Variants in YPEL3 observed in about 807,000 individuals in gnomAD.
YPEL3 encodes the protein protein yippee-like 3.
In YPEL3, 5 loss-of-function variants were observed where a neutral mutation model predicts 17.5. The observed-to-expected ratio is 0.29, with a 90% CI of 0.15 to 0.60. The LOEUF is 0.60. Ranked by LOEUF, YPEL3 falls within the 20% of genes least tolerant of loss-of-function variation. YPEL3 has a pLI of 0.87. For synonymous variants in YPEL3, 87 were observed against 87.2 expected, an observed-to-expected ratio of 1.00 and a Z score of 0.01; for missense variants, 155 against 211.4, an observed-to-expected ratio of 0.73 and a Z score of 1.65.
At chr16:30,093,743 A>AT (rs1209936876) in intron 3 of YPEL3, 7,456 of 131,284 alleles carry the variant, frequency 0.057, 443 homozygotes, top group African/African-American at 0.15. Flanking sequence ...CACCCAGCTG[A>AT]TTTTTTTTTT....
chr16:30,092,730 T>G lies in YPEL3; in HGVS notation c.454A>C (p.Lys152Gln). ...KYIIELNHMI[K>Q]DNGWD ...GGGGGTCAGTCCCAGCCGTTGTCTTTGATCATGTGGTTGAGTTCAATGATG... is the reference window on the plus strand; with the variant it reads ...GGGGGTCAGTCCCAGCCGTTGTCTTGGATCATGTGGTTGAGTTCAATGATG... Residue 152 changes from lysine (K) to glutamine (Q), a missense_variant, in exon 4 of 4, where the codon AAA (lysine) becomes CAA (glutamine). Physicochemically the swap from Lys to Gln is moderately conservative, Grantham distance 53. Around this residue, in one of 3 missense-constraint regions of YPEL3, gnomAD observed 23 missense variants for 16.4 expected, o/e 1.40. Transcript: ENST00000398841. 1.2e-6 allele frequency: 2 copies of G among 1,614,198 alleles called. No individual in the cohort carries two copies. The highest frequency in any genetic ancestry group is 2.7e-5 in the African/African-American group (2 of 75,066).
At chr16:30,093,417 C>T (rs143242484) in intron 3 of YPEL3, among the ~76,000 whole-genome samples, 6,101 of 152,178 alleles carry the variant, frequency 0.04, 184 homozygotes, top group Middle Eastern at 0.061. Flanking sequence ...CCCACCACCA[C>T]GCCGAGCTAA....
In YPEL3 at chr16:30,095,484, C is replaced by A; in HGVS notation, c.-2G>T. On this transcript the variant is annotated 5_prime_UTR_variant, in exon 1 of 4. Coordinates refer to ENST00000398841, the MANE Select transcript of YPEL3 (RefSeq NM_031477.5). The surrounding 1 kb of genome is among the most constrained non-coding windows in gnomAD (Gnocchi z 5.4). ...TGTCAGGACCTGGGCCACACACATG[C>A]GAGGCACTCCCAGAGCCGTGGGGAC... is the stretch of plus-strand genomic sequence containing the variant. 6.6e-7 allele frequency: 1 copy of A among 1,507,532 alleles called. No individual in the cohort carries two copies. Among genetic ancestry groups the A allele is most frequent in the Non-Finnish European group, 8.9e-7 (1 of 1,128,238 alleles). The allele number at this position is 1,507,532 out of a possible 1,614,324, so 93.4% of individuals were successfully genotyped here. A position where few individuals can be genotyped will look rare whatever the true frequency, so the allele number is the denominator to read the frequency against.
Position 30,092,676 on chromosome 16 carries a change from C to T in YPEL3, c.*34G>A, listed in dbSNP as rs749047360. 3 of 1,609,714 alleles carry T rather than the reference C, an allele frequency of 1.9e-6. No individual in the cohort carries two copies. Among genetic ancestry groups the T allele is most frequent in the Admixed American group, 3.3e-5 (2 of 59,944 alleles). Reference sequence around the variant, plus strand: ...CAGTGGCGCTCCCTGGCGGCCAGGCCGGGCTGGAGCCACATGCGTCGGGGG... The same window carrying T: ...CAGTGGCGCTCCCTGGCGGCCAGGCTGGGCTGGAGCCACATGCGTCGGGGG... On this transcript the variant is annotated 3_prime_UTR_variant, in exon 4 of 4. Transcript: ENST00000398841.
chr16:30,093,914 CAG>C (rs1211565094), intron 3 of YPEL3: 1 of 152,172 alleles, frequency 6.6e-6, no homozygotes, highest in Non-Finnish European at 1.5e-5. Context: ...GGTAGAGGTC[CAG>C]AGTGGCCAAG....
rs1021778873 is a variant in YPEL3 at position 30,092,474 on chromosome 16, G to C, written c.*236C>G. 1 of 553,646 alleles carries C rather than the reference G, an allele frequency of 1.8e-6. No homozygotes were observed. The highest frequency in any genetic ancestry group is 3.2e-6 in the Non-Finnish European group (1 of 310,028). The allele number at this position is 553,646 out of a possible 1,614,324, so 34.3% of individuals were successfully genotyped here. ...CCATAACTATAGGGCAGGTGGGGCA[G>C]GAACGGGTTAAAAACGAGATCCAAG... On this transcript the variant is annotated 3_prime_UTR_variant, in exon 4 of 4. Coordinates refer to ENST00000398841, the MANE Select transcript of YPEL3 (RefSeq NM_031477.5).
chr16:30,093,410 A>G (rs916934713), intron 3 of YPEL3, among the ~76,000 whole-genome samples: 3 of 151,822 alleles, frequency 2.0e-5, no homozygotes, highest in Non-Finnish European at 4.4e-5. Flanking sequence ...ACAGGCGCCC[A>G]CCACCACGCC....
chr16:30,092,599 G>C lies in YPEL3; in HGVS notation c.*111C>G. ...AAATATATATACAGGAGCTAGATCC[G>C]TCCTCTGCAGGGGCTCTGAGGGTCC... On this transcript the variant is annotated 3_prime_UTR_variant, in exon 4 of 4. Coordinates refer to ENST00000398841, the MANE Select transcript of YPEL3 (RefSeq NM_031477.5). 1 of 954,674 alleles carries C rather than the reference G, an allele frequency of 1.0e-6. No individual in the cohort carries two copies. Among genetic ancestry groups the C allele is most frequent in the Non-Finnish European group, 1.7e-6 (1 of 604,300 alleles). The allele number at this position is 954,674 out of a possible 1,614,324, so 59.1% of individuals were successfully genotyped here.
At position 30,095,330 on chromosome 16, in the gene YPEL3, GT is replaced by G; in HGVS notation, c.152del (p.Tyr51SerfsTer43). 1 of 1,614,232 alleles carries G rather than the reference GT, an allele frequency of 6.2e-7. No homozygotes were observed. Among genetic ancestry groups the G allele is most frequent in the Non-Finnish European group, 8.5e-7 (1 of 1,180,040 alleles). On this transcript the variant is annotated frameshift_variant, in exon 1 of 4. Transcript: ENST00000398841. LOFTEE classifies it high-confidence loss of function. This position sits in a 1 kb window ranked among gnomAD's most constrained non-coding sequence, Gnocchi z 5.4. ...TATACCTCCGGTGACAATCATCCAA[GT>G]AGGCCTGAAACGTCTTGGGCTTTGA... ...RISKPKTFQA[Y>X]LDDCHRRYSC...
chr16:30,094,786 C>T lies in YPEL3; in HGVS notation c.384+3G>A, dbSNP rs776437688. On this transcript the variant is annotated splice_donor_region_variant and intron_variant, in intron 3 of 3. Coordinates refer to ENST00000398841, the MANE Select transcript of YPEL3 (RefSeq NM_031477.5). ...AGCCTGGGGTCAGAGGTGGGTGACTCACATATTTCCAGCCCAAAGTGGTCT... is the reference window on the plus strand; with the variant it reads ...AGCCTGGGGTCAGAGGTGGGTGACTTACATATTTCCAGCCCAAAGTGGTCT... 6.2e-7 allele frequency: 1 copy of T among 1,613,976 alleles called. No homozygotes were observed. Among genetic ancestry groups the T allele is most frequent in the Non-Finnish European group, 8.5e-7 (1 of 1,179,870 alleles).
At position 30,095,838 on chromosome 16, in the gene YPEL3, G is replaced by A. The variant is rs1202617465; in HGVS notation, c.-356C>T. On this transcript the variant is annotated 5_prime_UTR_variant, in exon 1 of 4. Coordinates refer to ENST00000398841, the MANE Select transcript of YPEL3 (RefSeq NM_031477.5). This position sits in a 1 kb window ranked among gnomAD's most constrained non-coding sequence, Gnocchi z 5.4. ...ACTGGTGGTTTAGGGGGTTCATCGG[G>A]GAGAGGGTCCCCCACCTGGAGGAGG... 1.2e-5 allele frequency: 3 copies of A among 254,072 alleles called. No individual in the cohort carries two copies. The highest frequency in any genetic ancestry group is 2.3e-5 in the Non-Finnish European group (3 of 131,686). The allele number at this position is 254,072 out of a possible 1,614,324, so 15.7% of individuals were successfully genotyped here. A position where few individuals can be genotyped will look rare whatever the true frequency, so the allele number is the denominator to read the frequency against.
At position 30,095,531 on chromosome 16, in the gene YPEL3, C is replaced by T. The variant is rs2072784049; in HGVS notation, c.-49G>A. On this transcript the variant is annotated 5_prime_UTR_variant, in exon 1 of 4. Transcript: ENST00000398841. The surrounding 1 kb of genome is among the most constrained non-coding windows in gnomAD (Gnocchi z 5.4). ...GGACTCGCTCTGTCACACTGGGCTG[C>T]TCTCTCCTTTCCCCAGAGCCAGCAG... The T allele has an allele frequency of 7.1e-7, 1 of 1,410,516 alleles. No individual in the cohort carries two copies. Among genetic ancestry groups the T allele is most frequent in the East Asian group, 2.5e-5 (1 of 39,928 alleles). 87.4% of individuals were successfully genotyped at this position (1,410,516 alleles called of 1,614,324 possible). A position where few individuals can be genotyped will look rare whatever the true frequency, so the allele number is the denominator to read the frequency against.
chr16:30,092,626 G>A lies in YPEL3; in HGVS notation c.*84C>T. On this transcript the variant is annotated 3_prime_UTR_variant, in exon 4 of 4. Transcript: ENST00000398841. ...CCTCTGCAGGGGCTCTGAGGGTCCA[G>A]AGCTCCCTTCGGGTGGCGGGAAGCC... The A allele has an allele frequency of 7.6e-7, 1 of 1,317,718 alleles. No individual in the cohort carries two copies. The highest frequency in any genetic ancestry group is 1.1e-6 in the Non-Finnish European group (1 of 916,538). The allele number at this position is 1,317,718 out of a possible 1,614,324, so 81.6% of individuals were successfully genotyped here. A position where few individuals can be genotyped will look rare whatever the true frequency, so the allele number is the denominator to read the frequency against.
rs760498691 is a variant in YPEL3 at position 30,095,453 on chromosome 16, G to A, written c.30C>T (p.His10=). 3 of 1,573,876 alleles carry A rather than the reference G, an allele frequency of 1.9e-6. No individual in the cohort carries two copies. Among genetic ancestry groups the A allele is most frequent in the Non-Finnish European group, 2.6e-6 (3 of 1,160,722 alleles). Residue 10 remains histidine, a synonymous_variant, in exon 1 of 4, where the codon CAC becomes CAT. Coordinates refer to ENST00000398841, the MANE Select transcript of YPEL3 (RefSeq NM_031477.5). The surrounding 1 kb of genome is among the most constrained non-coding windows in gnomAD (Gnocchi z 5.4). MCVAQVLTA[H]LLPPRQALGS... is the part of the protein sequence containing the mutation. Reference sequence around the variant, plus strand: ...CCAGTGCCTGCCGGGGAGGGAGTAGGTGGGCTGTCAGGACCTGGGCCACAC... The same window carrying A: ...CCAGTGCCTGCCGGGGAGGGAGTAGATGGGCTGTCAGGACCTGGGCCACAC...
chr16:30,094,606 T>G (rs2072773121), intron 3 of YPEL3, 183 bp downstream of exon 3: 1 of 639,828 alleles, frequency 1.6e-6, no homozygotes, highest in African/African-American at 1.8e-5. Context: ...AGAGAAGGGA[T>G]GGGTTAAGAG....
chr16:30,095,617 C>T lies in YPEL3; in HGVS notation c.-135G>A. ...CAGTGAGGAGGCCTCAGGTTGCATC[C>T]ATGGGGAAACTGAGGCTCGGAGGTG... is the stretch of plus-strand genomic sequence containing the variant. On this transcript the variant is annotated 5_prime_UTR_variant, in exon 1 of 4. The change abolishes an upstream ATG in the 5' untranslated region. Transcript: ENST00000398841. This position sits in a 1 kb window ranked among gnomAD's most constrained non-coding sequence, Gnocchi z 5.4. 1 of 762,374 alleles carries T rather than the reference C, an allele frequency of 1.3e-6. No individual in the cohort carries two copies. Among genetic ancestry groups the T allele is most frequent in the East Asian group, 2.8e-5 (1 of 36,184 alleles). The allele number at this position is 762,374 out of a possible 1,614,324, so 47.2% of individuals were successfully genotyped here.
Position 30,095,799 on chromosome 16 carries a change from G to A in YPEL3, c.-317C>T, listed in dbSNP as rs2072786719. Reference sequence around the variant, plus strand: ...GTTGGTCCTTGCGACCTCATCTGGAGAGCAGTGGGGTTCACTGGTGGTTTA... The same window carrying A: ...GTTGGTCCTTGCGACCTCATCTGGAAAGCAGTGGGGTTCACTGGTGGTTTA... On this transcript the variant is annotated 5_prime_UTR_variant, in exon 1 of 4. Transcript: ENST00000398841. This position sits in a 1 kb window ranked among gnomAD's most constrained non-coding sequence, Gnocchi z 5.4. 3 of 358,924 alleles carry A rather than the reference G, an allele frequency of 8.4e-6. No individual in the cohort carries two copies. Among genetic ancestry groups the A allele is most frequent in the Admixed American group, 8.4e-5 (2 of 23,680 alleles). The allele number at this position is 358,924 out of a possible 1,614,324, so 22.2% of individuals were successfully genotyped here.
Position 30,095,400 on chromosome 16 carries a change from G to A in YPEL3, c.83C>T (p.Pro28Leu). 1 of 1,612,134 alleles carries A rather than the reference G, an allele frequency of 6.2e-7. No individual in the cohort carries two copies. Among genetic ancestry groups the A allele is most frequent in the Non-Finnish European group, 8.5e-7 (1 of 1,179,036 alleles). The change falls in exon 1 of 4, where the codon CCC becomes CTC. Residue 28 changes from proline (P) to leucine (L), a missense_variant. By Grantham distance (98) the Pro-to-Leu change is moderately conservative. Around this residue, in one of 3 missense-constraint regions of YPEL3, gnomAD observed 58 missense variants for 60.0 expected, o/e 0.97. Coordinates refer to ENST00000398841, the MANE Select transcript of YPEL3 (RefSeq NM_031477.5). The surrounding 1 kb of genome is among the most constrained non-coding windows in gnomAD (Gnocchi z 5.4). The stretch of plus-strand genomic sequence containing the variant: ...GGCCGGGGGCAGTGGCCCCACGCGG[G>A]GAGCGGCCCACGGGGAGCAGAGGGA... ...LGSLCSPWAA[P>L]RVGPLPPAPA...
At chr16:30,093,300 C>T (rs537108801) in intron 3 of YPEL3, among the ~76,000 whole-genome samples, 8 of 152,094 alleles carry the variant, frequency 5.3e-5, no homozygotes, top group Non-Finnish European at 7.3e-5. Flanking sequence ...CTTGCTCTGT[C>T]GCCCAGGCTG....
Sources: gnomAD v4.1 joint callset for allele counts (sites outside exome capture counted in the v4.1 genomes callset) on GRCh38, gnomAD v4.1.1 for gene constraint, gnomAD v4.1.1 regional missense constraint, Gnocchi (gnomAD v3.1) non-coding constraint, MANE v1.5 for transcripts, NCBI Gene and HGNC (gene_info 2026-07-23, HGNC 2026-07-21) for gene names.